The following SEL1L3 variants were observed in gnomAD, a reference collection of about 807,000 sequenced individuals.
The protein encoded by SEL1L3 is SEL1L family member 3, also known as protein sel-1 homolog 3.
A neutral mutation model predicts 142.8 loss-of-function variants in SEL1L3; 76 were observed. The ratio of observed to expected loss-of-function variants is 0.53; its 90% confidence interval spans 0.44 to 0.64. The LOEUF is 0.64. Among genes scored for constraint, SEL1L3 ranks in the 30% least tolerant of loss-of-function variants. The pLI, the probability that SEL1L3 is intolerant of heterozygous loss-of-function variation, is 0.00. For synonymous variants in SEL1L3, 504 were observed against 519.6 expected (o/e 0.97, Z 0.41); for missense variants, 1,262 against 1,381.7 (o/e 0.91, Z 1.37).
chr4:25,730,332 GAACT>G, the SEL1L3 span, among the ~76,000 whole-genome samples: 1 of 151,988 alleles, frequency 6.6e-6, no homozygotes, highest in Non-Finnish European at 1.5e-5. Context: ...TTTTGTCTAT[GAACT>G]AACTTTTATT....
At chr4:25,755,063 A>C (rs1717861630) in intron 23 of SEL1L3, among the ~76,000 whole-genome samples, 1 of 151,982 alleles carries the variant, frequency 6.6e-6, no homozygotes, top group Non-Finnish European at 1.5e-5. Flanking sequence ...GCTGCCCTAC[A>C]TCTATTCTTA....
At chr4:25,777,079 T>C (rs976991644) in intron 16 of SEL1L3, among the ~76,000 whole-genome samples, 1 of 151,880 alleles carries the variant, frequency 6.6e-6, no homozygotes, top group African/African-American at 2.4e-5. Context: ...AAATACCCAA[T>C]TACATGCTGC....
chr4:25,757,723 G>GC lies in SEL1L3; in HGVS notation c.3150dup (p.Arg1051AlafsTer68). ...TGCAGGATAGCACCCCAGAGAAGCCGCAAGTGCAGGTAAAGCCAGGCCAAG... is the reference window on the plus strand; with the variant it reads ...TGCAGGATAGCACCCCAGAGAAGCCGCCAAGTGCAGGTAAAGCCAGGCCAAG... On this transcript the variant is annotated frameshift_variant, in exon 22 of 24. Coordinates refer to ENST00000399878, the MANE Select transcript of SEL1L3 (RefSeq NM_015187.5). LOFTEE classifies it high-confidence loss of function. 2 of 1,598,000 alleles carry GC rather than the reference G, an allele frequency of 1.3e-6. No homozygotes were observed. The highest frequency in any genetic ancestry group is 1.7e-6 in the Non-Finnish European group (2 of 1,172,472).
chr4:25,822,013 T>G lies in SEL1L3; in HGVS notation c.1273A>C (p.Ser425Arg), dbSNP rs1266763463. The change falls in exon 7 of 24, where the codon AGT (serine) becomes CGT (arginine). Residue 425 changes from serine (S) to arginine (R), a missense_variant. Physicochemically the swap from Ser to Arg is moderately radical, Grantham distance 110. This residue lies in a region of SEL1L3 where 689 missense variants were observed against 692.8 expected (regional missense o/e 0.99). Transcript: ENST00000399878. ...FGPLKYYRLR[S>R]LHPAQIFNPL... Reference sequence around the variant, plus strand: ...GGACTCACCTGGGCGGGGTGCAGACTGCGAAGGCGATAGTACTTCAGGGGT... The same window carrying G: ...GGACTCACCTGGGCGGGGTGCAGACGGCGAAGGCGATAGTACTTCAGGGGT... 6.2e-7 allele frequency: 1 copy of G among 1,613,830 alleles called. No individual in the cohort carries two copies. The highest frequency in any genetic ancestry group is 1.3e-5 in the African/African-American group (1 of 75,036).
chr4:25,745,987 C>A (rs1381943769), downstream of SEL1L3, among the ~76,000 whole-genome samples: 2 of 152,194 alleles, frequency 1.3e-5, no homozygotes, highest in Non-Finnish European at 2.9e-5. Flanking sequence ...AAAATAATGA[C>A]CTACCATATT....
chr4:25,831,183 A>T (rs1248720104), intron 5 of SEL1L3, among the ~76,000 whole-genome samples: 3 of 152,170 alleles, frequency 2.0e-5, no homozygotes, highest in African/African-American at 7.2e-5. Context: ...TCTTCTGCTC[A>T]AAAATCTTCT....
intron 2 of SEL1L3, among the ~76,000 whole-genome samples, chr4:25,837,247 G>T (rs1282846882): frequency 9.4e-5 from 14 of 149,698 alleles, no homozygotes. Flanking sequence ...CTTCCACTAT[G>T]TTGAGTGGAG....
At chr4:25,790,404 C>T in intron 12 of SEL1L3, 51 bp downstream of exon 12, 1 of 1,584,478 alleles carries the variant, frequency 6.3e-7, no homozygotes, top group Non-Finnish European at 8.7e-7. Flanking sequence ...ACGGTATAAC[C>T]CAGTCTATCA....
At chr4:25,777,983 A>G in intron 16 of SEL1L3, 1 of 381,302 alleles carries the variant, frequency 2.6e-6, no homozygotes, top group Non-Finnish European at 5.2e-6. Context: ...ATAACTCCTC[A>G]AGAATGTAAA....
At chr4:25,809,306 T>C (rs1713853948) in intron 9 of SEL1L3, among the ~76,000 whole-genome samples, 1 of 116,184 alleles carries the variant, frequency 8.6e-6, no homozygotes. Flanking sequence ...CGTGCTTGGC[T>C]AATTTTTTTT....
At chr4:25,777,641 A>G in intron 16 of SEL1L3, 1 of 356,072 alleles carries the variant, frequency 2.8e-6, no homozygotes, top group South Asian at 2.2e-5. Context: ...TTCAGAATAT[A>G]TTCTCTGATC....
chr4:25,816,361 A>C (rs577412812), intron 9 of SEL1L3, among the ~76,000 whole-genome samples: 1 of 152,204 alleles, frequency 6.6e-6, no homozygotes, highest in Admixed American at 6.5e-5. Context: ...TGAGTGTTAA[A>C]ATTGGACCCA....
downstream of SEL1L3, among the ~76,000 whole-genome samples, chr4:25,745,307 A>G (rs891699631): frequency 1.3e-5 from 2 of 151,754 alleles, no homozygotes; most frequent in Non-Finnish European, 2.9e-5. Flanking sequence ...AGGCTGGAAA[A>G]TCTCTTGAGC....
intron 1 of SEL1L3, among the ~76,000 whole-genome samples, chr4:25,860,979 A>C (rs1265402425): frequency 6.6e-6 from 1 of 152,144 alleles, no homozygotes; most frequent in Non-Finnish European, 1.5e-5. Context: ...TCCAGAGTCC[A>C]CTTAGGCCCT....
At chr4:25,790,997 C>T (rs540275965) in intron 11 of SEL1L3, among the ~76,000 whole-genome samples, 21 of 152,304 alleles carry the variant, frequency 1.4e-4, no homozygotes, top group Admixed American at 9.8e-4. Context: ...TATATCTAAA[C>T]GGTTGTTTGT....
At chr4:25,796,213 G>T (rs1362801781) in intron 11 of SEL1L3, among the ~76,000 whole-genome samples, 1 of 152,176 alleles carries the variant, frequency 6.6e-6, no homozygotes, top group African/African-American at 2.4e-5. Flanking sequence ...CTGTCCCGGG[G>T]ATGCTGACAT....
chr4:25,858,363 C>T (rs1717407155), intron 1 of SEL1L3, among the ~76,000 whole-genome samples: 1 of 152,176 alleles, frequency 6.6e-6, no homozygotes, highest in South Asian at 2.1e-4. Flanking sequence ...TAGATAACTG[C>T]AGATCTCTTT....
chr4:25,769,270 C>T (rs1029791969), intron 17 of SEL1L3, among the ~76,000 whole-genome samples: 5 of 152,156 alleles, frequency 3.3e-5, no homozygotes, highest in South Asian at 2.1e-4. Flanking sequence ...CCTTGGAGAC[C>T]GAGAGGTGCT....
chr4:25,854,118 T>C (rs116218676), intron 1 of SEL1L3, among the ~76,000 whole-genome samples: 1,680 of 152,200 alleles, frequency 0.011, 37 homozygotes, highest in African/African-American at 0.038. Context: ...AATAGCCAGA[T>C]GGTAAATATT....
Sources: allele counts gnomAD v4.1 joint callset (sites outside exome capture counted in the v4.1 genomes callset), GRCh38; gene constraint gnomAD v4.1.1; regional missense constraint gnomAD v4.1.1; transcripts MANE v1.5; gene names NCBI Gene and HGNC (gene_info 2026-07-23, HGNC 2026-07-21).